Variants in DPT observed in about 807,000 individuals in gnomAD.
DPT encodes dermatopontin.
In DPT, 21 loss-of-function variants were observed where a neutral mutation model predicts 31.2. The observed-to-expected ratio is 0.67, with a 90% CI of 0.48 to 0.97. The LOEUF is 0.97. Ranked by LOEUF, DPT falls within the 50% of genes least tolerant of loss-of-function variation. The pLI is 0.00. For missense variants in DPT, 262 were observed against 258.8 expected (o/e 1.01, Z -0.08); for synonymous variants, 91 against 86.9 (o/e 1.05, Z -0.26).
chr1:168,701,237 G>A, intron 2 of DPT, 113 bp from the exon 3 acceptor site: 1 of 820,458 alleles, frequency 1.2e-6, no homozygotes, highest in Admixed American at 2.0e-5. Context: ...GGCAAATCCA[G>A]ACTGAAGTTA....
At chr1:168,717,448 G>A (rs1224715531) in intron 1 of DPT, among the ~76,000 whole-genome samples, 1 of 152,096 alleles carries the variant, frequency 6.6e-6, no homozygotes, top group Non-Finnish European at 1.5e-5. Flanking sequence ...GTAGATTCTG[G>A]ATGTTAGACC....
At chr1:168,717,325 A>G (rs546237056) in intron 1 of DPT, among the ~76,000 whole-genome samples, 2 of 152,050 alleles carry the variant, frequency 1.3e-5, no homozygotes, top group African/African-American at 4.8e-5. Context: ...GCTTTTTTTC[A>G]TATGTTTGTT....
At chr1:168,721,645 G>A (rs981223572) in intron 1 of DPT, among the ~76,000 whole-genome samples, 1 of 152,148 alleles carries the variant, frequency 6.6e-6, no homozygotes, top group Admixed American at 6.5e-5. Context: ...TTCCTTTCTT[G>A]ACAATTCCAA....
At chr1:168,711,022 T>C (rs187386901) in intron 2 of DPT, among the ~76,000 whole-genome samples, 134 of 151,830 alleles carry the variant, frequency 8.8e-4, no homozygotes, top group African/African-American at 2.2e-3. Context: ...TCTTCTTCTT[T>C]TTTTTTGAGT....
intron 1 of DPT, among the ~76,000 whole-genome samples, chr1:168,726,939 G>A (rs1222000014): frequency 6.6e-6 from 1 of 152,184 alleles, no homozygotes; most frequent in Non-Finnish European, 1.5e-5. Context: ...CCACAGCCCC[G>A]GCACCCTCAC....
intron 2 of DPT, among the ~76,000 whole-genome samples, chr1:168,702,373 C>A (rs1649618536): frequency 6.6e-6 from 1 of 152,176 alleles, no homozygotes; most frequent in South Asian, 2.1e-4. Context: ...CAATGGTTAG[C>A]TCATTCTCTT....
rs115695070 is a variant in DPT, at chr1:168,705,650, A to G, written c.432-4526T>C. On this transcript the variant is annotated intron_variant, in intron 2 of 3. Coordinates refer to ENST00000367817, the MANE Select transcript of DPT (RefSeq NM_001937.5). ...GAGAAGCTTCTGTTGGTCATTCAAT[A>G]TTGAATTCTGTTTTTCTTCTATTTC... Among the ~76,000 whole-genome samples, 1,173 of 152,308 alleles carry G rather than the reference A, an allele frequency of 7.7e-3. 20 individuals carry two copies. The highest frequency in any genetic ancestry group is 0.027 in the African/African-American group (1,120 of 41,552).
chr1:168,696,218 A>C lies in DPT; in HGVS notation c.*331T>G. 2 of 432,496 alleles carry C rather than the reference A, an allele frequency of 4.6e-6. No individual in the cohort carries two copies. The highest frequency in any genetic ancestry group is 4.1e-6 in the Non-Finnish European group (1 of 246,912). The allele number at this position is 432,496 out of a possible 1,614,324, so 26.8% of individuals were successfully genotyped here. On this transcript the variant is annotated 3_prime_UTR_variant, in exon 4 of 4. Transcript: ENST00000367817. ...GAACTTGCAGTTCATTCTGCAGTAA[A>C]AAGCAGTAGCCAGGCTGCAGCTGGT...
At position 168,696,186 on chromosome 1, in the gene DPT, C is replaced by T. The variant is rs1649461223; in HGVS notation, c.*363G>A. On this transcript the variant is annotated 3_prime_UTR_variant, in exon 4 of 4. Transcript: ENST00000367817. ...CCTCCAGTTCTGCCTCTCCCCTCCACTATGCTGAACTTGCAGTTCATTCTG... is the reference window on the plus strand; with the variant it reads ...CCTCCAGTTCTGCCTCTCCCCTCCATTATGCTGAACTTGCAGTTCATTCTG... 2.4e-6 allele frequency: 1 copy of T among 425,322 alleles called. No individual in the cohort carries two copies. Among genetic ancestry groups the T allele is most frequent in the Admixed American group, 4.0e-5 (1 of 25,180 alleles). The allele number at this position is 425,322 out of a possible 1,614,324, so 26.3% of individuals were successfully genotyped here.
chr1:168,728,765 C>T, intron 1 of DPT, 105 bp downstream of exon 1: 1 of 1,428,822 alleles, frequency 7.0e-7, no homozygotes, highest in South Asian at 1.3e-5. Context: ...GTGGGATTTG[C>T]CCAGGCTTTG....
chr1:168,723,079 A>G (rs563713602), intron 1 of DPT, among the ~76,000 whole-genome samples: 9 of 152,358 alleles, frequency 5.9e-5, no homozygotes, highest in Admixed American at 4.6e-4. Flanking sequence ...CTAGATGGAA[A>G]GTTGGCAAGA....
At chr1:168,698,460 C>A (rs552011060) in intron 3 of DPT, among the ~76,000 whole-genome samples, 58 of 152,270 alleles carry the variant, frequency 3.8e-4, no homozygotes, top group South Asian at 1.0e-3. Context: ...CACAGATAAA[C>A]AAGATCTTAT....
Position 168,714,334 on chromosome 1 carries a change from G to T in DPT, c.318C>A (p.Cys106Ter), listed in dbSNP as rs750232323. Residue 106 changes from cysteine (C) to a stop codon, truncating the protein, a stop_gained, in exon 2 of 4, where the codon TGC becomes TGA. Transcript: ENST00000367817. LOFTEE classifies it high-confidence loss of function. ...ATCCTGCCACCAGCCCATTGTTGGA[G>T]CACGTCTGGTACCTGAAGAGAAGAC... ...NRAGMEWYQT[C>*]SNNGLVAGFQ... 85 of 1,614,020 alleles carry T rather than the reference G, an allele frequency of 5.3e-5. No homozygotes were observed. The highest frequency in any genetic ancestry group is 6.6e-5 in the Non-Finnish European group (78 of 1,180,030).
At chr1:168,720,175 T>A (rs772574980) in intron 1 of DPT, among the ~76,000 whole-genome samples, 1 of 152,126 alleles carries the variant, frequency 6.6e-6, no homozygotes, top group Non-Finnish European at 1.5e-5. Flanking sequence ...GAGTCAGTGA[T>A]AATGCCTACA....
chr1:168,727,334 A>G (rs1650270371), intron 1 of DPT, among the ~76,000 whole-genome samples: 1 of 152,178 alleles, frequency 6.6e-6, no homozygotes, highest in Non-Finnish European at 1.5e-5. Flanking sequence ...TTTGAGCATT[A>G]CACGAGATGA....
At chr1:168,714,114 C>G (rs1451388838) in intron 2 of DPT, 107 bp downstream of exon 2, 1 of 1,474,666 alleles carries the variant, frequency 6.8e-7, no homozygotes, top group African/African-American at 1.4e-5. Flanking sequence ...GCCAGCGCTG[C>G]CTTCCAGGCT....
At chr1:168,709,688 C>T (rs747471509) in intron 2 of DPT, among the ~76,000 whole-genome samples, 11 of 152,298 alleles carry the variant, frequency 7.2e-5, no homozygotes, top group Admixed American at 5.2e-4. Context: ...TGTCAGGCTG[C>T]GTGCTGAAGA....
At chr1:168,720,615 C>T (rs1244890767) in intron 1 of DPT, among the ~76,000 whole-genome samples, 1 of 152,034 alleles carries the variant, frequency 6.6e-6, no homozygotes, top group African/African-American at 2.4e-5. Flanking sequence ...TTTTTCCCAG[C>T]TTCACAGACA....
intron 3 of DPT, among the ~76,000 whole-genome samples, chr1:168,700,536 G>A (rs2101898740): frequency 6.6e-6 from 1 of 152,196 alleles, no homozygotes; most frequent in Non-Finnish European, 1.5e-5. Flanking sequence ...GCACGGGGTG[G>A]AAGGGGGTCC....
Sources: gnomAD v4.1 joint callset for allele counts (sites outside exome capture counted in the v4.1 genomes callset) on GRCh38, gnomAD v4.1.1 for gene constraint, MANE v1.5 for transcripts, NCBI Gene and HGNC (gene_info 2026-07-23, HGNC 2026-07-21) for gene names.